The following TM4SF1 variants were observed in gnomAD, a reference collection of about 807,000 sequenced individuals.
The protein encoded by TM4SF1 is transmembrane 4 L6 family member 1.
A neutral mutation model predicts 24.5 loss-of-function variants in TM4SF1; 20 were observed. The ratio of observed to expected loss-of-function variants is 0.82; its 90% CI spans 0.57 to 1.19. The LOEUF (loss-of-function observed/expected upper bound fraction) is 1.19, where lower values mean the gene tolerates loss of function less well. Ranked by LOEUF, TM4SF1 falls within the 50% of genes most tolerant of loss-of-function variation. The pLI is 0.00. For synonymous variants in TM4SF1, 107 were observed against 95.4 expected (o/e 1.12, Z -0.71); for missense variants, 258 against 248.1 (o/e 1.04, Z -0.27).
chr3:149,376,030 C>T (rs760941595), intron 1 of TM4SF1, among the ~76,000 whole-genome samples: 4 of 152,096 alleles, frequency 2.6e-5, no homozygotes, highest in African/African-American at 4.8e-5. Context: ...AAACTGTAAA[C>T]GTGTTTATTC....
At position 149,377,438 on chromosome 3, in the gene TM4SF1, T is replaced by C. The variant is rs1368871915; in HGVS notation, c.110A>G (p.Tyr37Cys). The C allele has an allele frequency of 3.1e-6, 5 of 1,614,024 alleles. No individual in the cohort carries two copies. In the African/African-American group the frequency reaches 6.7e-5, roughly 22 times the overall value. The change falls in exon 1 of 5, where the codon TAT becomes TGT. Residue 37 changes from tyrosine to cysteine, a missense_variant. By Grantham distance (194) the Tyr-to-Cys change is radical. Coordinates refer to ENST00000305366, the MANE Select transcript of TM4SF1 (RefSeq NM_014220.3). ...GCGGCTGAGGTGGTTTTCGGAGGCA[T>C]ACTTTGTTTCCCCATTGGGAAAGTA... ...LLYFPNGETK[Y>C]ASENHLSRFV...
Position 149,370,166 on chromosome 3 carries a change from G to A in TM4SF1, c.595-286C>T, listed in dbSNP as rs555077747. On this transcript the variant is annotated intron_variant, in intron 4 of 4. Coordinates refer to ENST00000305366, the MANE Select transcript of TM4SF1 (RefSeq NM_014220.3). ...ATTTGTGTGGGGTTTTAATCTTAGGGATTTAAAAGATAATGCCATGGAAGT... is the reference window on the plus strand; with the variant it reads ...ATTTGTGTGGGGTTTTAATCTTAGGAATTTAAAAGATAATGCCATGGAAGT... 2.0e-4 allele frequency: 58 copies of A among 291,416 alleles called. 1 individual carries two copies. In the South Asian group the frequency reaches 2.9e-3, roughly 15 times the overall value. The allele number at this position is 291,416 out of a possible 1,614,324, so 18.1% of individuals were successfully genotyped here. A position where few individuals can be genotyped will look rare whatever the true frequency, so the allele number is the denominator to read the frequency against.
At position 149,377,193 on chromosome 3, in the gene TM4SF1, A is replaced by C. The variant is rs563822474; in HGVS notation, c.177+178T>G. 3.3e-5 allele frequency among the ~76,000 whole-genome samples: 5 copies of C among 152,342 alleles called. No homozygotes were observed. The South Asian group carries it at 1.0e-3, about 32-fold the overall frequency. ...ATTTTGTAAAACAACATCTCATAAAATTACTACGCTATACTGTACCAATCT... is the reference window on the plus strand; with the variant it reads ...ATTTTGTAAAACAACATCTCATAAACTTACTACGCTATACTGTACCAATCT... On this transcript the variant is annotated intron_variant, in intron 1 of 4. Transcript: ENST00000305366.
chr3:149,372,041 C>T (rs1466589422), intron 3 of TM4SF1, among the ~76,000 whole-genome samples, 174 bp from the exon 4 acceptor site: 2 of 152,124 alleles, frequency 1.3e-5, no homozygotes, highest in Non-Finnish European at 2.9e-5. Context: ...AGCCCAGATC[C>T]TACTGTAATG....
intron 4 of TM4SF1, 105 bp from the exon 5 acceptor site, chr3:149,369,985 A>C: frequency 7.1e-7 from 1 of 1,409,666 alleles, no homozygotes; most frequent in Non-Finnish European, 9.6e-7. Context: ...GACTGATCTT[A>C]GCTTCAGCAA....
intron 3 of TM4SF1, among the ~76,000 whole-genome samples, chr3:149,372,141 C>G (rs1192538562): frequency 2.0e-5 from 3 of 152,042 alleles, no homozygotes; most frequent in African/African-American, 7.2e-5. Context: ...TTTATATTCC[C>G]TAACAGGCAT....
At chr3:149,373,731 C>A (rs1262263701) in intron 3 of TM4SF1, among the ~76,000 whole-genome samples, 3 of 152,182 alleles carry the variant, frequency 2.0e-5, no homozygotes, top group African/African-American at 7.2e-5. Context: ...TATTGAAATC[C>A]TTGGACAGTT....
At chr3:149,374,767 C>T (rs913529050) in intron 3 of TM4SF1, among the ~76,000 whole-genome samples, 3 of 152,090 alleles carry the variant, frequency 2.0e-5, no homozygotes, top group Non-Finnish European at 4.4e-5. Flanking sequence ...GCATGGTTTG[C>T]CCTGGGCTTG....
At chr3:149,374,532 A>G (rs1731903578) in intron 3 of TM4SF1, among the ~76,000 whole-genome samples, 2 of 152,244 alleles carry the variant, frequency 1.3e-5, no homozygotes, top group Admixed American at 1.3e-4. Context: ...ATCCGTTTCT[A>G]TCAGCTGTGC....
chr3:149,372,259 A>G (rs1180043491), intron 3 of TM4SF1, among the ~76,000 whole-genome samples: 1 of 152,210 alleles, frequency 6.6e-6, no homozygotes. Context: ...CAAATGCGGA[A>G]AAATGAAAAT....
intron 3 of TM4SF1, among the ~76,000 whole-genome samples, chr3:149,373,390 C>A (rs185030812): frequency 2.1e-4 from 32 of 152,206 alleles, no homozygotes; most frequent in Non-Finnish European, 4.3e-4. Flanking sequence ...TATTTGGATT[C>A]TTAACAAAAT....
intron 3 of TM4SF1, among the ~76,000 whole-genome samples, chr3:149,372,935 C>G (rs1186093605): frequency 1.3e-5 from 2 of 152,138 alleles, no homozygotes; most frequent in African/African-American, 2.4e-5. Flanking sequence ...GCACAGGGCA[C>G]GGGCTCTGTC....
At chr3:149,369,982 C>A in intron 4 of TM4SF1, 102 bp from the exon 5 acceptor site, 1 of 1,427,306 alleles carries the variant, frequency 7.0e-7, no homozygotes, top group South Asian at 1.3e-5. Flanking sequence ...ACAGACTGAT[C>A]TTAGCTTCAG....
intron 3 of TM4SF1, among the ~76,000 whole-genome samples, chr3:149,373,940 TA>T (rs1218123599): frequency 1.3e-5 from 2 of 152,234 alleles, no homozygotes; most frequent in Non-Finnish European, 2.9e-5. Flanking sequence ...CATATGTGAA[TA>T]GCCATTTTCT....
chr3:149,372,084 C>A (rs887743196), intron 3 of TM4SF1, among the ~76,000 whole-genome samples: 6 of 152,092 alleles, frequency 3.9e-5, no homozygotes, highest in Non-Finnish European at 7.3e-5. Flanking sequence ...TAATTTTTGA[C>A]CCCAATCTAG....
chr3:149,371,812 C>T lies in TM4SF1; in HGVS notation c.469G>A (p.Glu157Lys). ...SECTEPKHIVEWNVSLFSILL... is the reference protein window; with the variant it reads ...SECTEPKHIVKWNVSLFSILL... ...ATAGAAAACAGAGATACATTCCATT[C>T]CACAATGTGCTTGGGTTCAGTGCAC... Residue 157 changes from glutamate to lysine, a missense_variant, in exon 4 of 5, where the codon GAA becomes AAA. Coordinates refer to ENST00000305366, the MANE Select transcript of TM4SF1 (RefSeq NM_014220.3). The T allele has an allele frequency of 6.2e-7, 1 of 1,614,082 alleles. No homozygotes were observed. The highest frequency in any genetic ancestry group is 1.1e-5 in the South Asian group (1 of 91,068).
chr3:149,376,639 C>T lies in TM4SF1; in HGVS notation c.177+732G>A, dbSNP rs548492327. 9.9e-5 allele frequency among the ~76,000 whole-genome samples: 15 copies of T among 152,206 alleles called. No individual in the cohort carries two copies. In the East Asian group the frequency reaches 1.5e-3, roughly 16 times the overall value. On this transcript the variant is annotated intron_variant, in intron 1 of 4. Transcript: ENST00000305366. ...TAAGAAAATTTATCACGTATGGTAC[C>T]ATTCCATAAAATTTCTCCTTAAAAT... is the stretch of plus-strand genomic sequence containing the variant.
At position 149,371,795 on chromosome 3, in the gene TM4SF1, C is replaced by G. The variant is rs1181118324; in HGVS notation, c.486G>C (p.Leu162=). The G allele has an allele frequency of 2.5e-6, 4 of 1,613,900 alleles. No individual in the cohort carries two copies. Among genetic ancestry groups the G allele is most frequent in the Non-Finnish European group, 3.4e-6 (4 of 1,180,006 alleles). The part of the protein sequence containing the change: ...PKHIVEWNVS[L]FSILLALGGI... ...CACCAAGAGCCAAGAGGATAGAAAA[C>G]AGAGATACATTCCATTCCACAATGT... The change falls in exon 4 of 5, where the codon CTG becomes CTC. Residue 162 remains leucine, a synonymous_variant. Coordinates refer to ENST00000305366, the MANE Select transcript of TM4SF1 (RefSeq NM_014220.3).
chr3:149,369,383 C>G lies in TM4SF1; in HGVS notation c.*483G>C, dbSNP rs1189438010. On this transcript the variant is annotated 3_prime_UTR_variant, in exon 5 of 5. Transcript: ENST00000305366. ...ACAGAACACAAGGCAGTTCAAAGGG[C>G]CTCTTGTTAGAGATTTATAGGTGTA... is the stretch of plus-strand genomic sequence containing the variant. The G allele has an allele frequency of 6.4e-6, 1 of 155,462 alleles. No homozygotes were observed. The highest frequency in any genetic ancestry group is 2.4e-5 in the African/African-American group (1 of 41,434). The allele number at this position is 155,462 out of a possible 1,614,324, so 9.6% of individuals were successfully genotyped here. A position where few individuals can be genotyped will look rare whatever the true frequency, so the allele number is the denominator to read the frequency against.
Sources: allele counts gnomAD v4.1 joint callset (sites outside exome capture counted in the v4.1 genomes callset), GRCh38; gene constraint gnomAD v4.1.1; transcripts MANE v1.5; gene names NCBI Gene and HGNC (gene_info 2026-07-23, HGNC 2026-07-21).